Variants in SGCZ observed in about 807,000 individuals in gnomAD.
SGCZ encodes sarcoglycan zeta.
SGCZ carries 40 observed loss-of-function variants against 41.3 expected under a neutral mutation model. The ratio of observed to expected loss-of-function variants is 0.97; its 90% confidence interval spans 0.75 to 1.26. The LOEUF (loss-of-function observed/expected upper bound fraction) is 1.26, where lower values mean the gene tolerates loss of function less well. Ranked by LOEUF, SGCZ falls within the 50% of genes most tolerant of loss-of-function variation. The pLI, the probability that SGCZ is intolerant of heterozygous loss-of-function variation, is 0.00. For synonymous variants in SGCZ, 206 were observed against 137.5 expected (o/e 1.50, Z -3.49); for missense variants, 552 against 369.8 (o/e 1.49, Z -4.04).
chr8:14,119,860 A>G (rs1173173392), intron 5 of SGCZ, among the ~76,000 whole-genome samples: 1 of 152,204 alleles, frequency 6.6e-6, no homozygotes, highest in Non-Finnish European at 1.5e-5. Flanking sequence ...ATGATGGATT[A>G]CATTTATTGA....
intron 3 of SGCZ, among the ~76,000 whole-genome samples, chr8:14,263,287 G>A (rs551148734): frequency 3.3e-4 from 50 of 152,136 alleles, no homozygotes; most frequent in Non-Finnish European, 6.8e-4. Flanking sequence ...AAGGCCTCAT[G>A]CCTGTAATCC....
chr8:14,214,016 G>GT (rs1418249275), intron 4 of SGCZ, among the ~76,000 whole-genome samples: 1 of 152,058 alleles, frequency 6.6e-6, no homozygotes, highest in Non-Finnish European at 1.5e-5. Context: ...AAGTAGTACA[G>GT]TATTTAAAGA....
intron 3 of SGCZ, among the ~76,000 whole-genome samples, chr8:14,291,702 T>A (rs1010944731): frequency 6.6e-6 from 1 of 152,020 alleles, no homozygotes; most frequent in African/African-American, 2.4e-5. Context: ...TGTATTCTTT[T>A]ACTTTGGTAC....
At chr8:15,050,169 A>G (rs749939507) in intron 1 of SGCZ, among the ~76,000 whole-genome samples, 9 of 152,124 alleles carry the variant, frequency 5.9e-5, no homozygotes, top group Non-Finnish European at 5.9e-5. Flanking sequence ...ATGATAAACA[A>G]TAGTGTCTAT....
At chr8:14,549,647 T>C (rs749923916) in intron 2 of SGCZ, among the ~76,000 whole-genome samples, 7 of 151,970 alleles carry the variant, frequency 4.6e-5, no homozygotes, top group African/African-American at 1.7e-4. Flanking sequence ...TGCGGGGACG[T>C]TGATAGAGGA....
chr8:14,096,873 T>G (rs1178599624), intron 7 of SGCZ, among the ~76,000 whole-genome samples: 1 of 152,168 alleles, frequency 6.6e-6, no homozygotes, highest in East Asian at 1.9e-4. Flanking sequence ...TTCTTCTAGA[T>G]TTTCTAATTT....
At chr8:15,217,318 G>A in intron 1 of SGCZ, among the ~76,000 whole-genome samples, 1 of 151,378 alleles carries the variant, frequency 6.6e-6, no homozygotes, top group Non-Finnish European at 1.5e-5. Context: ...TTGGGAGGCT[G>A]AGGCAGGAGA....
At chr8:14,129,608 G>C (rs571808442) in intron 5 of SGCZ, among the ~76,000 whole-genome samples, 17 of 151,674 alleles carry the variant, frequency 1.1e-4, no homozygotes, top group South Asian at 8.3e-4. Context: ...CATTATAAAA[G>C]AAGAAAGACT....
chr8:14,377,010 T>C (rs1488595440), intron 2 of SGCZ, among the ~76,000 whole-genome samples: 6 of 152,196 alleles, frequency 3.9e-5, no homozygotes, highest in Non-Finnish European at 7.3e-5. Context: ...ACCCCTTTTG[T>C]TATACACAAT....
At chr8:14,595,323 A>G (rs1805373065) in intron 1 of SGCZ, among the ~76,000 whole-genome samples, 1 of 151,784 alleles carries the variant, frequency 6.6e-6, no homozygotes, top group Non-Finnish European at 1.5e-5. Context: ...CACATCTGGT[A>G]AGTTACCAAA....
At chr8:14,930,609 G>A (rs984985687) in intron 1 of SGCZ, among the ~76,000 whole-genome samples, 25 of 152,046 alleles carry the variant, frequency 1.6e-4, no homozygotes, top group Admixed American at 3.3e-4. Flanking sequence ...ATGATAGACC[G>A]GATAAAGAAA....
intron 7 of SGCZ, among the ~76,000 whole-genome samples, chr8:14,092,223 T>A (rs1374146304): frequency 6.6e-6 from 1 of 152,070 alleles, no homozygotes; most frequent in Non-Finnish European, 1.5e-5. Flanking sequence ...TACTGTAGCC[T>A]TGTATTATAG....
At chr8:14,387,742 T>C (rs1360681456) in intron 2 of SGCZ, among the ~76,000 whole-genome samples, 1 of 151,974 alleles carries the variant, frequency 6.6e-6, no homozygotes, top group East Asian at 1.9e-4. Context: ...TAAAAATATA[T>C]AATTTTATTA....
chr8:14,217,433 T>C (rs973202873), intron 4 of SGCZ, among the ~76,000 whole-genome samples: 2 of 151,834 alleles, frequency 1.3e-5, no homozygotes, highest in Non-Finnish European at 2.9e-5. Context: ...TTGTATGGTA[T>C]AGTTACATAA....
At chr8:15,143,678 C>T (rs569699657) in intron 1 of SGCZ, among the ~76,000 whole-genome samples, 69 of 152,270 alleles carry the variant, frequency 4.5e-4, no homozygotes, top group African/African-American at 1.6e-3. Flanking sequence ...CTCCTTGGGG[C>T]TCAGTTTTTG....
intron 5 of SGCZ, among the ~76,000 whole-genome samples, chr8:14,118,097 C>T (rs1802580345): frequency 6.6e-6 from 1 of 151,992 alleles, no homozygotes; most frequent in African/African-American, 2.4e-5. Flanking sequence ...AGGTATATAA[C>T]CAGTAATGGG....
chr8:14,754,599 G>A (rs995021211), intron 1 of SGCZ, among the ~76,000 whole-genome samples: 5 of 152,164 alleles, frequency 3.3e-5, no homozygotes, highest in Non-Finnish European at 5.9e-5. Flanking sequence ...AGCTGTAGAA[G>A]AATTGTAGAA....
chr8:15,076,795 G>A (rs138047717), intron 1 of SGCZ, among the ~76,000 whole-genome samples: 10 of 129,610 alleles, frequency 7.7e-5, no homozygotes, highest in Non-Finnish European at 7.9e-5. Flanking sequence ...TCTGCACACC[G>A]CCTCCCTCCA....
At position 14,429,858 on chromosome 8, in the gene SGCZ, G is replaced by T. The variant is rs76226359; in HGVS notation, c.235-105654C>A. On this transcript the variant is annotated intron_variant, in intron 2 of 7. Coordinates refer to ENST00000382080, the MANE Select transcript of SGCZ (RefSeq NM_139167.4). The stretch of plus-strand genomic sequence containing the variant: ...GCTGCATGTTACTGATCTGTTAAGG[G>T]TATCTAATTCTTCCTGATATAAGCT... Among the ~76,000 whole-genome samples the T allele has an allele frequency of 8.8e-3, 1,344 of 152,066 alleles. 26 individuals carry two copies. The highest frequency in any genetic ancestry group is 0.03 in the African/African-American group (1,261 of 41,488).
Sources: allele counts gnomAD v4.1 joint callset (sites outside exome capture counted in the v4.1 genomes callset), GRCh38; gene constraint gnomAD v4.1.1; transcripts MANE v1.5; gene names NCBI Gene and HGNC (gene_info 2026-07-23, HGNC 2026-07-21).